Variants in IMMP2L observed in about 807,000 individuals in gnomAD.
IMMP2L encodes mitochondrial inner membrane protease subunit 2.
A neutral mutation model predicts 19.3 loss-of-function variants in IMMP2L; 18 were observed. The observed-to-expected ratio is 0.93, with a 90% CI of 0.64 to 1.38. The LOEUF is 1.38. Among genes scored for constraint, IMMP2L ranks in the 40% most tolerant of loss-of-function variants. IMMP2L has a pLI of 0.00. For synonymous variants in IMMP2L, 76 were observed against 73.0 expected, an observed-to-expected ratio of 1.04 and a Z score of -0.21; for missense variants, 233 against 218.2, an observed-to-expected ratio of 1.07 and a Z score of -0.43.
intron 3 of IMMP2L, among the ~76,000 whole-genome samples, chr7:111,310,856 T>C (rs73422094): frequency 0.026 from 3,995 of 152,172 alleles, 177 homozygotes; most frequent in African/African-American, 0.091. Context: ...AAAGAACACA[T>C]CTAGAAGAGT....
Position 110,870,554 on chromosome 7 carries a change from G to GT in IMMP2L, c.408+16038dup, listed in dbSNP as rs1808433869. On this transcript the variant is annotated intron_variant, in intron 5 of 5. Coordinates refer to ENST00000405709, the MANE Select transcript of IMMP2L (RefSeq NM_032549.4). This position sits in a 1 kb window ranked among gnomAD's most constrained non-coding sequence, Gnocchi z 4.2. ...TAGCTAGAAGCAGGTGTGTGTGAGT[G>GT]TGTGTGTGTGCACGCGCATGTGTGC... Among the ~76,000 whole-genome samples the GT allele has an allele frequency of 6.6e-6, 1 of 151,948 alleles. No homozygotes were observed. The highest frequency in any genetic ancestry group is 1.5e-5 in the Non-Finnish European group (1 of 67,980).
At chr7:110,896,812 C>CT (rs879723395) in intron 4 of IMMP2L, among the ~76,000 whole-genome samples, 2,380 of 143,882 alleles carry the variant, frequency 0.017, 49 homozygotes, top group African/African-American at 0.053. Flanking sequence ...GTGCATTCTG[C>CT]TTTTTTTTTT....
chr7:111,079,694 T>C lies in IMMP2L; in HGVS notation c.240-116129A>G, dbSNP rs1795728178. Among the ~76,000 whole-genome samples the C allele has an allele frequency of 2.6e-5, 4 of 152,324 alleles. No individual in the cohort carries two copies. The South Asian group carries it at 8.3e-4, about 32-fold the overall frequency. On this transcript the variant is annotated intron_variant, in intron 3 of 5. Transcript: ENST00000405709. ...ACATATATACTGATAATTTGGATAA[T>C]AACTAAAGTCTCCATTTGTCTTCAA...
intron 5 of IMMP2L, among the ~76,000 whole-genome samples, chr7:110,798,282 A>G (rs535136969): frequency 9.2e-5 from 14 of 152,102 alleles, no homozygotes; most frequent in Middle Eastern, 3.4e-3. Flanking sequence ...AGTTTCAAAA[A>G]TAATCAACTA....
In IMMP2L at chr7:111,123,724, A is replaced by G; in HGVS notation, c.240-160159T>C. On this transcript the variant is annotated intron_variant, in intron 3 of 5. Transcript: ENST00000405709. The surrounding 1 kb of genome is among the most constrained non-coding windows in gnomAD (Gnocchi z 6.4). ...AGATTTAAGAAAAATAGAAGCTACTAACAACCCTAGATTGTCTTACATTCA... is the reference window on the plus strand; with the variant it reads ...AGATTTAAGAAAAATAGAAGCTACTGACAACCCTAGATTGTCTTACATTCA... The G allele has an allele frequency of 6.2e-7, 1 of 1,613,892 alleles. No homozygotes were observed. The highest frequency in any genetic ancestry group is 2.2e-5 in the East Asian group (1 of 44,852).
chr7:111,159,837 A>G (rs1220154834), intron 3 of IMMP2L, among the ~76,000 whole-genome samples: 1 of 152,152 alleles, frequency 6.6e-6, no homozygotes, highest in Non-Finnish European at 1.5e-5. Context: ...TAAACATGTA[A>G]TCAACATAAA....
chr7:111,419,521 C>CTCATGAACTCAGCTCTGCTAGCT (rs1835280956), intron 3 of IMMP2L, among the ~76,000 whole-genome samples: 1 of 151,738 alleles, frequency 6.6e-6, no homozygotes, highest in Admixed American at 6.6e-5. Context: ...ATCTGATTGC[C>CTCATGAACTCAGCTCTGCTAGCT]TCCTTTGGAG....
intron 3 of IMMP2L, among the ~76,000 whole-genome samples, chr7:111,272,039 C>T (rs1218315553): frequency 2.0e-5 from 3 of 152,230 alleles, no homozygotes; most frequent in Middle Eastern, 3.4e-3. Context: ...TTTCCCCACC[C>T]GATCTGTTTT....
At chr7:110,947,450 T>G (rs754583798) in intron 4 of IMMP2L, among the ~76,000 whole-genome samples, 2 of 152,202 alleles carry the variant, frequency 1.3e-5, no homozygotes, top group African/African-American at 2.4e-5. Flanking sequence ...GAATTCAGGC[T>G]TCATTTACAT....
At chr7:111,258,976 C>T (rs1374970780) in intron 3 of IMMP2L, among the ~76,000 whole-genome samples, 2 of 151,974 alleles carry the variant, frequency 1.3e-5, no homozygotes, top group African/African-American at 4.8e-5. Flanking sequence ...GATGGTATAG[C>T]CTACCACACA....
At chr7:111,178,786 T>C (rs2129610565) in intron 3 of IMMP2L, among the ~76,000 whole-genome samples, 1 of 152,180 alleles carries the variant, frequency 6.6e-6, no homozygotes, top group Admixed American at 6.6e-5. Context: ...TAATTCTAGT[T>C]CTCTTGCTAT....
At chr7:111,438,831 C>T (rs1837444359) in intron 3 of IMMP2L, among the ~76,000 whole-genome samples, 1 of 151,832 alleles carries the variant, frequency 6.6e-6, no homozygotes, top group South Asian at 2.1e-4. Context: ...AAAGAAATTA[C>T]AACTTCCAAT....
chr7:111,041,468 G>A (rs1464591456), intron 3 of IMMP2L, among the ~76,000 whole-genome samples: 1 of 151,546 alleles, frequency 6.6e-6, no homozygotes. Flanking sequence ...CAGATGAGTG[G>A]CTTTTCTAGT....
intron 3 of IMMP2L, among the ~76,000 whole-genome samples, chr7:111,355,623 A>G (rs539463597): frequency 6.6e-6 from 1 of 151,954 alleles, no homozygotes; most frequent in Non-Finnish European, 1.5e-5. Flanking sequence ...AAAAAATAGA[A>G]TAGAAAAACC....
At chr7:111,130,207 T>C (rs1208361719) in intron 3 of IMMP2L, among the ~76,000 whole-genome samples, 1 of 152,158 alleles carries the variant, frequency 6.6e-6, no homozygotes, top group South Asian at 2.1e-4. Context: ...CTCACAGATA[T>C]GTCAATACGA....
At chr7:111,413,580 T>C (rs898020822) in intron 3 of IMMP2L, among the ~76,000 whole-genome samples, 2 of 152,046 alleles carry the variant, frequency 1.3e-5, no homozygotes, top group African/African-American at 4.8e-5. Context: ...ATTTACCATA[T>C]TAACAGATTA....
At chr7:111,031,407 T>TGTGTGTGTGTGTGTGA (rs147571783) in intron 3 of IMMP2L, among the ~76,000 whole-genome samples, 37 of 147,170 alleles carry the variant, frequency 2.5e-4, no homozygotes, top group Non-Finnish European at 3.8e-4. Flanking sequence ...TGTGTGTGTG[T>TGTGTGTGTGTGTGTGA]GAGAGAAAGA....
chr7:111,446,792 G>A (rs1012288906), intron 3 of IMMP2L, among the ~76,000 whole-genome samples: 19 of 152,158 alleles, frequency 1.2e-4, no homozygotes, highest in African/African-American at 4.3e-4. Context: ...CAAAGGCAAA[G>A]AAGTTGAAAA....
At chr7:111,318,194 C>T (rs1224826904) in intron 3 of IMMP2L, among the ~76,000 whole-genome samples, 1 of 152,144 alleles carries the variant, frequency 6.6e-6, no homozygotes, top group African/African-American at 2.4e-5. Flanking sequence ...GCCACGGGGC[C>T]TTTAAGGAGC....
Sources: gnomAD v4.1 joint callset for allele counts (sites outside exome capture counted in the v4.1 genomes callset) on GRCh38, gnomAD v4.1.1 for gene constraint, Gnocchi (gnomAD v3.1) non-coding constraint, MANE v1.5 for transcripts, NCBI Gene and HGNC (gene_info 2026-07-23, HGNC 2026-07-21) for gene names.